The following FGF1 variants were observed in gnomAD, a reference collection of about 807,000 sequenced individuals.
FGF1 encodes beta-endothelial cell growth factor.
Under a neutral mutation model 13.4 loss-of-function variants are expected in FGF1, and 9 were observed. The observed-to-expected ratio is 0.67, with a 90% CI of 0.40 to 1.17. The LOEUF (loss-of-function observed/expected upper bound fraction) is 1.17, where lower values mean the gene tolerates loss of function less well. Among genes scored for constraint, FGF1 ranks in the 50% most tolerant of loss-of-function variants. The probability of loss-of-function intolerance (pLI) is 0.01; values close to 1 mark genes in which losing one functional copy is unlikely to be tolerated. For missense variants in FGF1, 156 were observed against 192.7 expected (o/e 0.81, Z 1.13); for synonymous variants, 93 against 79.0 (o/e 1.18, Z -0.94).
chr5:142,625,291 CGAAG>C (rs950203573), intron 1 of FGF1, among the ~76,000 whole-genome samples: 2 of 145,452 alleles, frequency 1.4e-5, no homozygotes, highest in Admixed American at 1.4e-4. Context: ...CACTTCATAA[CGAAG>C]AGAGAGAACT....
intron 2 of FGF1, among the ~76,000 whole-genome samples, chr5:142,601,515 C>A (rs369122974): frequency 1.2e-4 from 19 of 152,152 alleles, no homozygotes; most frequent in African/African-American, 4.6e-4. Flanking sequence ...AAGCCGTTAC[C>A]TGGAAATGCA....
intron 1 of FGF1, among the ~76,000 whole-genome samples, chr5:142,662,707 C>T (rs1217184805): frequency 6.6e-6 from 1 of 152,214 alleles, no homozygotes; most frequent in African/African-American, 2.4e-5. Flanking sequence ...ATGAAACAGA[C>T]ATCTCTTTGC....
intron 1 of FGF1, among the ~76,000 whole-genome samples, chr5:142,657,370 C>T (rs1768350554): frequency 6.6e-6 from 1 of 152,236 alleles, no homozygotes; most frequent in African/African-American, 2.4e-5. Context: ...GCCCCGTTCT[C>T]TGCTTCTCTG....
rs536106350 is a variant in FGF1 at position 142,671,122 on chromosome 5, C to G, written c.-35+14835G>C. On this transcript the variant is annotated intron_variant, in intron 1 of 3. Coordinates refer to ENST00000337706, the MANE Select transcript of FGF1 (RefSeq NM_000800.5). ...TATCATCTTCTTTTGACCCTTTGAACAGGCTCTGACAGTATTTAGATTACA... is the reference window on the plus strand; with the variant it reads ...TATCATCTTCTTTTGACCCTTTGAAGAGGCTCTGACAGTATTTAGATTACA... Among the ~76,000 whole-genome samples, 15 of 152,342 alleles carry G rather than the reference C, an allele frequency of 9.8e-5. No individual in the cohort carries two copies. The South Asian group carries it at 3.1e-3, about 32-fold the overall frequency.
In FGF1 at chr5:142,592,524, G is replaced by C. The variant is rs1044436077; in HGVS notation, c.*2766C>G. ...AAAGCACATATGTTCATGATGCTTT[G>C]TTCAGAGCTGGCCCGAAAATGAATC... On this transcript the variant is annotated 3_prime_UTR_variant, in exon 4 of 4. Transcript: ENST00000337706. The C allele has an allele frequency of 5.0e-6, 2 of 398,114 alleles. No homozygotes were observed. Among genetic ancestry groups the C allele is most frequent in the East Asian group, 3.6e-5 (1 of 28,088 alleles). The allele number at this position is 398,114 out of a possible 1,614,324, so 24.7% of individuals were successfully genotyped here. A position where few individuals can be genotyped will look rare whatever the true frequency, so the allele number is the denominator to read the frequency against.
chr5:142,608,075 C>A (rs988135507), intron 2 of FGF1, among the ~76,000 whole-genome samples: 2 of 152,180 alleles, frequency 1.3e-5, no homozygotes, highest in Non-Finnish European at 2.9e-5. Context: ...CAAGAGAAGT[C>A]AACTTTGAGG....
At chr5:142,694,025 C>T (rs1752664699) in intron 2 of FGF1, among the ~76,000 whole-genome samples, 1 of 149,696 alleles carries the variant, frequency 6.7e-6, no homozygotes, top group Non-Finnish European at 1.5e-5. Context: ...TTGGGTCTAG[C>T]AGTGTTTTTT....
intron 1 of FGF1, among the ~76,000 whole-genome samples, chr5:142,652,918 C>T (rs1378953480): frequency 1.3e-5 from 2 of 152,250 alleles, no homozygotes; most frequent in Non-Finnish European, 2.9e-5. Context: ...AATGGGTTCA[C>T]ATCAAATAAG....
intron 1 of FGF1, among the ~76,000 whole-genome samples, chr5:142,643,219 C>A (rs1252026984): frequency 6.6e-6 from 1 of 151,784 alleles, no homozygotes; most frequent in African/African-American, 2.4e-5. Context: ...AAGGTCATAA[C>A]AATTATCGAA....
intron 1 of FGF1, among the ~76,000 whole-genome samples, chr5:142,622,121 A>T (rs1761748028): frequency 6.6e-6 from 1 of 152,230 alleles, no homozygotes; most frequent in African/African-American, 2.4e-5. Flanking sequence ...TCACAATGGT[A>T]TCCCAGTGCC....
chr5:142,688,328 G>A (rs566715587), upstream of FGF1, among the ~76,000 whole-genome samples: 19 of 152,140 alleles, frequency 1.2e-4, no homozygotes, highest in African/African-American at 4.6e-4. Context: ...TTACTATCTA[G>A]ATTTACCTTT....
chr5:142,697,840 T>C (rs1055118954), intron 1 of FGF1: 15 of 152,294 alleles, frequency 9.8e-5, no homozygotes, highest in African/African-American at 3.4e-4. Flanking sequence ...TCCTGCTCCC[T>C]TTCTGGTATG....
intron 2 of FGF1, among the ~76,000 whole-genome samples, chr5:142,605,062 G>C (rs1322389897): frequency 1.3e-5 from 2 of 152,052 alleles, no homozygotes; most frequent in Non-Finnish European, 2.9e-5. Context: ...AACCCCAAAG[G>C]GGAGGTCTTT....
chr5:142,624,294 T>C (rs1762120087), intron 1 of FGF1, among the ~76,000 whole-genome samples: 1 of 152,168 alleles, frequency 6.6e-6, no homozygotes, highest in South Asian at 2.1e-4. Context: ...CTTAAACTTC[T>C]AGGCTCAAGC....
intron 1 of FGF1, among the ~76,000 whole-genome samples, chr5:142,684,919 A>C (rs780919392): frequency 1.4e-5 from 2 of 140,154 alleles, no homozygotes; most frequent in Non-Finnish European, 3.1e-5. Flanking sequence ...GCCAGTCACC[A>C]GTGCAGAAAG....
Position 142,592,862 on chromosome 5 carries a change from C to T in FGF1, c.*2428G>A, listed in dbSNP as rs1754535502. 1 of 157,928 alleles carries T rather than the reference C, an allele frequency of 6.3e-6. No homozygotes were observed. Among genetic ancestry groups the T allele is most frequent in the Non-Finnish European group, 1.4e-5 (1 of 72,142 alleles). 9.8% of individuals were successfully genotyped at this position (157,928 alleles called of 1,614,324 possible). A position where few individuals can be genotyped will look rare whatever the true frequency, so the allele number is the denominator to read the frequency against. On this transcript the variant is annotated 3_prime_UTR_variant, in exon 4 of 4. Transcript: ENST00000337706. ...TGGGATTTGCTTTATTCAGCAGGAA[C>T]CTACAAAGTCTGTGTTTATTCTTGA...
intron 1 of FGF1, among the ~76,000 whole-genome samples, chr5:142,635,244 C>G (rs1474554348): frequency 6.6e-6 from 1 of 152,176 alleles, no homozygotes; most frequent in Non-Finnish European, 1.5e-5. Context: ...GGGATGATAA[C>G]AGTACCTCGT....
chr5:142,654,794 G>A (rs1767860152), intron 1 of FGF1, among the ~76,000 whole-genome samples: 1 of 152,198 alleles, frequency 6.6e-6, no homozygotes, highest in Non-Finnish European at 1.5e-5. Flanking sequence ...CCTTTGCCTG[G>A]CGAGTGGGCC....
chr5:142,659,013 A>G (rs73284562), intron 1 of FGF1, among the ~76,000 whole-genome samples: 2,111 of 152,236 alleles, frequency 0.014, 61 homozygotes, highest in African/African-American at 0.048. Flanking sequence ...GAACAATTAC[A>G]TAACCAACAA....
Sources: allele counts gnomAD v4.1 joint callset (sites outside exome capture counted in the v4.1 genomes callset), GRCh38; gene constraint gnomAD v4.1.1; transcripts MANE v1.5; gene names NCBI Gene and HGNC (gene_info 2026-07-23, HGNC 2026-07-21).